The following PARVG variants were observed in gnomAD, a reference collection of about 807,000 sequenced individuals.
The protein encoded by PARVG is gamma-parvin.
In PARVG, 36 loss-of-function variants were observed where a neutral mutation model predicts 44.4. That is an observed-to-expected ratio of 0.81 (90% CI 0.62 to 1.07). PARVG has a LOEUF of 1.07. Among genes scored for constraint, PARVG ranks in the 50% least tolerant of loss-of-function variants. PARVG has a pLI of 0.00. For missense variants in PARVG, 407 were observed against 407.4 expected, an observed-to-expected ratio of 1.00 and a Z score of 0.01; for synonymous variants, 170 against 174.1, an observed-to-expected ratio of 0.98 and a Z score of 0.19.
At chr22:44,201,935 G>A (rs1229941400) in intron 12 of PARVG, among the ~76,000 whole-genome samples, 1 of 152,260 alleles carries the variant, frequency 6.6e-6, no homozygotes, top group East Asian at 1.9e-4. Flanking sequence ...GGCTCAGAAT[G>A]GGCAGGCTGC....
intron 3 of PARVG, chr22:44,184,946 T>C (rs927316205): frequency 1.3e-5 from 2 of 152,226 alleles, no homozygotes; most frequent in Admixed American, 6.5e-5. Flanking sequence ...GGACATTGGA[T>C]GATTCAAGCG....
intron 9 of PARVG, among the ~76,000 whole-genome samples, chr22:44,195,793 A>G (rs1269641319): frequency 6.6e-6 from 1 of 152,194 alleles, no homozygotes; most frequent in Non-Finnish European, 1.5e-5. Flanking sequence ...TGGCAGATAA[A>G]GGGATGCAGC....
At chr22:44,205,991 G>A (rs2054775748) in intron 13 of PARVG, among the ~76,000 whole-genome samples, 162 bp downstream of exon 13, 3 of 152,204 alleles carry the variant, frequency 2.0e-5, no homozygotes, top group Admixed American at 2.0e-4. Flanking sequence ...TTTCTTGGGA[G>A]GGGGCACTGC....
chr22:44,192,107 G>A lies in PARVG; in HGVS notation c.560+3G>A, dbSNP rs769985351. The A allele has an allele frequency of 1.2e-5, 20 of 1,612,528 alleles. No homozygotes were observed. Among genetic ancestry groups the A allele is most frequent in the Non-Finnish European group, 1.5e-5 (18 of 1,179,598 alleles). ...GTGGAACAGCTCACTGAATACAGGT[G>A]AGGGAAGGATGAGGGCCCATGGGTG... is the stretch of plus-strand genomic sequence containing the variant. On this transcript the variant is annotated splice_donor_region_variant and intron_variant, in intron 8 of 13. Transcript: ENST00000444313.
intron 1 of PARVG, among the ~76,000 whole-genome samples, chr22:44,174,537 T>G (rs774651392): frequency 8.1e-5 from 12 of 147,670 alleles, no homozygotes; most frequent in Non-Finnish European, 1.5e-4. Flanking sequence ...CAAAACCCTG[T>G]CTCCGCTAAA....
chr22:44,202,478 A>G (rs1601748865), intron 12 of PARVG, among the ~76,000 whole-genome samples: 1 of 152,232 alleles, frequency 6.6e-6, no homozygotes, highest in Non-Finnish European at 1.5e-5. Context: ...GACGGGAACA[A>G]ACGTGCAGAC....
intron 13 of PARVG, among the ~76,000 whole-genome samples, 168 bp from the exon 14 acceptor site, chr22:44,206,149 G>A (rs565518212): frequency 1.2e-4 from 18 of 152,258 alleles, no homozygotes; most frequent in Admixed American, 9.1e-4. Context: ...AGGCAGTCAC[G>A]CAGCAGGCGC....
chr22:44,197,136 G>A (rs2054629646), intron 11 of PARVG, among the ~76,000 whole-genome samples: 1 of 152,200 alleles, frequency 6.6e-6, no homozygotes, highest in Non-Finnish European at 1.5e-5. Flanking sequence ...GGTCTGGGGT[G>A]GGGAGGGAGT....
At chr22:44,200,688 A>G (rs1486824079) in intron 12 of PARVG, among the ~76,000 whole-genome samples, 1 of 152,168 alleles carries the variant, frequency 6.6e-6, no homozygotes, top group African/African-American at 2.4e-5. Flanking sequence ...AGGCAGGGCC[A>G]CATGCCCCGT....
upstream of PARVG, among the ~76,000 whole-genome samples, chr22:44,176,852 G>A (rs1195393252): frequency 9.9e-5 from 15 of 152,146 alleles, no homozygotes; most frequent in Admixed American, 9.8e-4. Flanking sequence ...ATGGTGGAAG[G>A]CGAAGGAGGA....
Position 44,188,788 on chromosome 22 carries a change from C to G in PARVG, c.248-326C>G, listed in dbSNP as rs1253464884. 1.4e-5 allele frequency: 5 copies of G among 366,242 alleles called. No homozygotes were observed. In the East Asian group the frequency reaches 2.6e-4, roughly 19 times the overall value. 22.7% of individuals were successfully genotyped at this position (366,242 alleles called of 1,614,324 possible). ...CTGCCCTGCAGAGATGAAGTGGACA[C>G]AGCTGTGCAGAAGGGCAGGGGCTGC... is the stretch of plus-strand genomic sequence containing the variant. On this transcript the variant is annotated intron_variant, in intron 5 of 13. Transcript: ENST00000444313.
In PARVG at chr22:44,206,405, G is replaced by A. The variant is rs374493877; in HGVS notation, c.975G>A (p.Thr325=). 26 of 1,613,778 alleles carry A rather than the reference G, an allele frequency of 1.6e-5. No homozygotes were observed. The highest frequency in any genetic ancestry group is 1.1e-4 in the South Asian group (10 of 91,080). Residue 325 remains threonine, a synonymous_variant, in exon 14 of 14, where the codon ACG becomes ACA. Coordinates refer to ENST00000444313, the MANE Select transcript of PARVG (RefSeq NM_022141.7). ...KHTQKAHRDR[T]PHGAPN is the part of the protein sequence containing the mutation. The stretch of plus-strand genomic sequence containing the variant: ...CGCAGAAGGCACACAGGGACAGGAC[G>A]CCCCATGGAGCCCCGAATTGACCCT...
At chr22:44,186,704 T>C (rs2147223170) in intron 4 of PARVG, 2 of 469,046 alleles carry the variant, frequency 4.3e-6, no homozygotes, top group Non-Finnish European at 8.8e-6. Context: ...AGACAAGGAT[T>C]TGGATGCCAG....
chr22:44,202,700 C>A (rs546805934), intron 12 of PARVG, among the ~76,000 whole-genome samples: 2 of 152,352 alleles, frequency 1.3e-5, no homozygotes, highest in Admixed American at 1.3e-4. Flanking sequence ...GCGGGAACAC[C>A]AGCCCTTGCT....
rs779251934 is a variant in PARVG, at chr22:44,196,127, G to T, written c.584-28G>T. The T allele has an allele frequency of 2.5e-6, 4 of 1,613,432 alleles. No individual in the cohort carries two copies. The South Asian group carries it at 4.4e-5, about 18-fold the overall frequency. ...GGCACAAAGATAATAGCATCGTAAT[G>T]AGGTGTTTATTGGATCTGTGTCTGC... On this transcript the variant is annotated intron_variant, in intron 9 of 13. Transcript: ENST00000444313.
chr22:44,183,287 C>T lies in PARVG; in HGVS notation c.-12-31C>T, dbSNP rs371833579. Reference sequence around the variant, plus strand: ...TCAGTGAGTTTGGGGCTTCTCAGACCGTGACGCCCTCTCCTGCCTCCTCTG... The same window carrying T: ...TCAGTGAGTTTGGGGCTTCTCAGACTGTGACGCCCTCTCCTGCCTCCTCTG... On this transcript the variant is annotated intron_variant, in intron 2 of 13. Coordinates refer to ENST00000444313, the MANE Select transcript of PARVG (RefSeq NM_022141.7). The T allele has an allele frequency of 2.6e-4, 400 of 1,567,804 alleles. 1 individual carries two copies. The highest frequency in any genetic ancestry group is 1.7e-3 in the African/African-American group (127 of 74,040).
In PARVG at chr22:44,206,435, G is replaced by C; in HGVS notation, c.*9G>C. 6.2e-7 allele frequency: 1 copy of C among 1,612,888 alleles called. No individual in the cohort carries two copies. The highest frequency in any genetic ancestry group is 8.5e-7 in the Non-Finnish European group (1 of 1,179,036). On this transcript the variant is annotated 3_prime_UTR_variant, in exon 14 of 14. Transcript: ENST00000444313. ...ATGGAGCCCCGAATTGACCCTCACT[G>C]CCTCCAAAGCCCAGAGCCTGCCTGT...
chr22:44,192,178 G>A (rs2054557591), intron 8 of PARVG, 74 bp downstream of exon 8: 16 of 1,542,656 alleles, frequency 1.0e-5, no homozygotes, highest in African/African-American at 1.4e-5. Context: ...GGGGGCCAGG[G>A]CAGATCTGCC....
intron 11 of PARVG, among the ~76,000 whole-genome samples, chr22:44,198,255 A>G (rs139149): frequency 0.81 from 123,173 of 152,110 alleles, 51,296 homozygotes; most frequent in Non-Finnish European, 0.93. Flanking sequence ...TGTGGCAGCC[A>G]GCGAGATGAG....
Sources: gnomAD v4.1 joint callset for allele counts (sites outside exome capture counted in the v4.1 genomes callset) on GRCh38, gnomAD v4.1.1 for gene constraint, MANE v1.5 for transcripts, NCBI Gene and HGNC (gene_info 2026-07-23, HGNC 2026-07-21) for gene names.